The following CORIN variants were observed in gnomAD, a reference collection of about 807,000 sequenced individuals.
CORIN encodes the protein atrial natriuretic peptide-converting enzyme.
In CORIN, 117 loss-of-function variants were observed where a neutral mutation model predicts 125.3. The observed-to-expected ratio is 0.93, with a 90% CI of 0.80 to 1.09. CORIN has a LOEUF of 1.09. Ranked by LOEUF, CORIN falls within the 50% of genes least tolerant of loss-of-function variation. The probability of loss-of-function intolerance (pLI) is 0.00; values close to 1 mark genes in which losing one functional copy is unlikely to be tolerated. For missense variants in CORIN, 1,253 were observed against 1,306.7 expected (o/e 0.96, Z 0.63); for synonymous variants, 450 against 466.4 (o/e 0.96, Z 0.45).
At chr4:47,604,070 A>G (rs1721552636) in intron 19 of CORIN, among the ~76,000 whole-genome samples, 1 of 152,242 alleles carries the variant, frequency 6.6e-6, no homozygotes, top group Admixed American at 6.5e-5. Context: ...AAGAAATGCC[A>G]GGGGAACCTC....
At chr4:47,688,036 A>G (rs1725597162) in intron 6 of CORIN, among the ~76,000 whole-genome samples, 1 of 151,900 alleles carries the variant, frequency 6.6e-6, no homozygotes, top group South Asian at 2.1e-4. Context: ...ACCTCCCTCC[A>G]CTCTCACAGT....
At chr4:47,670,780 C>A (rs138119606) in intron 10 of CORIN, among the ~76,000 whole-genome samples, 5 of 152,294 alleles carry the variant, frequency 3.3e-5, no homozygotes, top group Non-Finnish European at 7.3e-5. Flanking sequence ...TCCCTCCACA[C>A]CGGAATGAGG....
Position 47,757,890 on chromosome 4 carries a change from A to G in CORIN, c.617+5489T>C, listed in dbSNP as rs935356049. Among the ~76,000 whole-genome samples the G allele has an allele frequency of 7.2e-4, 103 of 143,794 alleles. 1 individual carries two copies. The highest frequency in any genetic ancestry group is 2.0e-3 in the East Asian group (10 of 4,964). The allele number at this position is 143,794 out of a possible 152,430, so 94.3% of individuals were successfully genotyped here. A position where few individuals can be genotyped will look rare whatever the true frequency, so the allele number is the denominator to read the frequency against. ...TACATATATATATGTATATATATAT[A>G]TATATATATATATATACACAAATAT... On this transcript the variant is annotated intron_variant, in intron 4 of 21. Transcript: ENST00000273857.
chr4:47,633,634 G>A (rs143417340), intron 16 of CORIN, among the ~76,000 whole-genome samples: 17 of 152,042 alleles, frequency 1.1e-4, no homozygotes, highest in African/African-American at 3.1e-4. Flanking sequence ...TTGACCTTTT[G>A]GGACAACACT....
At chr4:47,764,024 T>C (rs904853329) in intron 3 of CORIN, among the ~76,000 whole-genome samples, 2 of 152,146 alleles carry the variant, frequency 1.3e-5, no homozygotes, top group Non-Finnish European at 1.5e-5. Context: ...GATCTTTGCA[T>C]AGTTTACAAT....
chr4:47,805,142 A>AT (rs1553919318), intron 2 of CORIN, among the ~76,000 whole-genome samples: 6 of 145,364 alleles, frequency 4.1e-5, no homozygotes, highest in Admixed American at 6.8e-5. Context: ...TCTCAAAAAA[A>AT]AAAAAAAATA....
intron 5 of CORIN, among the ~76,000 whole-genome samples, chr4:47,698,810 C>T (rs1726156671): frequency 6.6e-6 from 1 of 152,104 alleles, no homozygotes; most frequent in Non-Finnish European, 1.5e-5. Context: ...AACAGTGGCC[C>T]CATAGGATTA....
Position 47,623,092 on chromosome 4 carries a change from CTCTCTA to C in CORIN, c.2540+473_2540+478del, listed in dbSNP as rs746882235. Among the ~76,000 whole-genome samples the C allele has an allele frequency of 9.8e-3, 1,090 of 111,122 alleles. 3 individuals are homozygous for C. The highest frequency in any genetic ancestry group is 0.014 in the Non-Finnish European group (793 of 56,772). The allele number at this position is 111,122 out of a possible 152,430, so 72.9% of individuals were successfully genotyped here. A position where few individuals can be genotyped will look rare whatever the true frequency, so the allele number is the denominator to read the frequency against. On this transcript the variant is annotated intron_variant, in intron 19 of 21. Transcript: ENST00000273857. The stretch of plus-strand genomic sequence containing the variant: ...AACCTCTCTCTCTCTCTCTCTCTCT[CTCTCTA>C]TATATATATATATATATATACACAC...
chr4:47,600,388 A>G (rs1560467199), intron 20 of CORIN, 41 bp from the exon 21 acceptor site: 30 of 1,492,920 alleles, frequency 2.0e-5, no homozygotes, highest in Non-Finnish European at 2.6e-5. Flanking sequence ...TGATGATAAA[A>G]TGACTCAAAA....
rs147785312 is a variant in CORIN, at chr4:47,748,455, CTAAAGT to C, written c.618-3878_618-3873del. On this transcript the variant is annotated intron_variant, in intron 4 of 21. Transcript: ENST00000273857. ...TGCAAAAGTACCTAGTACATTTCAA[CTAAAGT>C]TAAAGCAGAAAGCTTTTATACCTCC... is the stretch of plus-strand genomic sequence containing the variant. Among the ~76,000 whole-genome samples, 1,205 of 152,252 alleles carry C rather than the reference CTAAAGT, an allele frequency of 7.9e-3. 19 individuals are homozygous for C. The highest frequency in any genetic ancestry group is 0.027 in the African/African-American group (1,131 of 41,526).
chr4:47,650,457 C>T (rs1240790447), intron 13 of CORIN, among the ~76,000 whole-genome samples: 5 of 152,222 alleles, frequency 3.3e-5, no homozygotes, highest in African/African-American at 4.8e-5. Context: ...CCAGGTACCA[C>T]CTGCTCTTGT....
intron 5 of CORIN, among the ~76,000 whole-genome samples, chr4:47,703,965 C>G: frequency 6.6e-6 from 1 of 152,246 alleles, no homozygotes; most frequent in East Asian, 1.9e-4. Context: ...TTATTTAATA[C>G]GAACTTCTCT....
At chr4:47,615,432 T>C (rs1206541569) in intron 19 of CORIN, among the ~76,000 whole-genome samples, 4 of 152,194 alleles carry the variant, frequency 2.6e-5, no homozygotes, top group Non-Finnish European at 5.9e-5. Flanking sequence ...ATTGGTCGTG[T>C]CCCTCTAAAA....
In CORIN at chr4:47,653,592, G is replaced by A. The variant is rs775308830; in HGVS notation, c.1804C>T (p.Gln602Ter). The A allele has an allele frequency of 9.3e-6, 15 of 1,613,902 alleles. No homozygotes were observed. Among genetic ancestry groups the A allele is most frequent in the Non-Finnish European group, 1.3e-5 (15 of 1,179,952 alleles). Residue 602 changes from glutamine to a stop codon, truncating the protein, a stop_gained, in exon 13 of 22, where the codon CAG becomes TAG. Coordinates refer to ENST00000273857, the MANE Select transcript of CORIN (RefSeq NM_006587.4). LOFTEE classifies it high-confidence loss of function. ...TCACTGTCATCGTCACAGTCGGCCT[G>A]GCCATCACATCTTCTGGAAGCCAGA... Reference protein sequence around the residue: ...CVLASRRCDGQADCDDDSDEE... With the variant: ...CVLASRRCDG
intron 5 of CORIN, among the ~76,000 whole-genome samples, chr4:47,700,842 T>C (rs1387849620): frequency 2.0e-5 from 3 of 152,228 alleles, no homozygotes; most frequent in Non-Finnish European, 4.4e-5. Flanking sequence ...TTTCTCTCCA[T>C]GCCACTCAAC....
In CORIN at chr4:47,837,940, A is replaced by G; in HGVS notation, c.10T>C (p.Ser4Pro). The G allele has an allele frequency of 6.2e-7, 1 of 1,613,160 alleles. No individual in the cohort carries two copies. Among genetic ancestry groups the G allele is most frequent in the Non-Finnish European group, 8.5e-7 (1 of 1,179,998 alleles). Reference sequence around the variant, plus strand: ...CGCTCTTCCGGAGCGAGGGCAGGAGACTGTTTCATGGATAAAAAGTCTCGC... The same window carrying G: ...CGCTCTTCCGGAGCGAGGGCAGGAGGCTGTTTCATGGATAAAAAGTCTCGC... The part of the protein sequence containing the change: MKQ[S>P]PALAPEERCR... Residue 4 changes from serine (S) to proline (P), a missense_variant, in exon 1 of 22, where the codon TCT (serine) becomes CCT (proline). Ser to Pro is a moderately conservative substitution (Grantham distance 74). Transcript: ENST00000273857.
At chr4:47,817,736 A>C (rs1425601366) in intron 1 of CORIN, among the ~76,000 whole-genome samples, 1 of 152,200 alleles carries the variant, frequency 6.6e-6, no homozygotes, top group Non-Finnish European at 1.5e-5. Flanking sequence ...AGCTACATTC[A>C]GGGCCATGGA....
In CORIN at chr4:47,714,244, T is replaced by C. The variant is rs115902618; in HGVS notation, c.800-21161A>G. On this transcript the variant is annotated intron_variant, in intron 5 of 21. Transcript: ENST00000273857. ...TAGACAAACTTTAGTATTATTTTTA[T>C]ATCTTTGAATATGTATGGACATTTC... Among the ~76,000 whole-genome samples the C allele has an allele frequency of 1.7e-3, 255 of 152,350 alleles. 2 individuals are homozygous for C. Among genetic ancestry groups the C allele is most frequent in the African/African-American group, 6.0e-3 (250 of 41,592 alleles).
intron 17 of CORIN, among the ~76,000 whole-genome samples, chr4:47,624,342 G>T (rs1323230199): frequency 6.6e-6 from 1 of 152,136 alleles, no homozygotes; most frequent in African/African-American, 2.4e-5. Flanking sequence ...GTACTTTTTA[G>T]AGTCAGTGGT....
Sources: allele counts gnomAD v4.1 joint callset (sites outside exome capture counted in the v4.1 genomes callset), GRCh38; gene constraint gnomAD v4.1.1; transcripts MANE v1.5; gene names NCBI Gene and HGNC (gene_info 2026-07-23, HGNC 2026-07-21).